Variants in IQGAP3 observed in about 807,000 individuals in gnomAD.
IQGAP3 encodes the protein IQ motif containing GTPase activating protein 3.
In IQGAP3, 165 loss-of-function variants were observed where a neutral mutation model predicts 208.2. The ratio of observed to expected loss-of-function variants is 0.79; its 90% CI spans 0.70 to 0.90. The LOEUF (loss-of-function observed/expected upper bound fraction) is 0.90, where lower values mean the gene tolerates loss of function less well. Ranked by LOEUF, IQGAP3 falls within the 40% of genes least tolerant of loss-of-function variation. The pLI is 0.00. For missense variants in IQGAP3, 1,811 were observed against 2,043.1 expected (o/e 0.89, Z 2.19); for synonymous variants, 703 against 803.6 (o/e 0.87, Z 2.12).
intron 22 of IQGAP3, 127 bp downstream of exon 22, chr1:156,543,854 T>A: frequency 1.3e-6 from 1 of 797,664 alleles, no homozygotes; most frequent in Non-Finnish European, 2.2e-6. Context: ...TCCATGCTCC[T>A]GCACAGACAA....
In IQGAP3 at chr1:156,561,970, G is replaced by C; in HGVS notation, c.909C>G (p.Ala303=). 1.2e-6 allele frequency: 2 copies of C among 1,613,038 alleles called. No homozygotes were observed. Among genetic ancestry groups the C allele is most frequent in the Non-Finnish European group, 1.7e-6 (2 of 1,179,608 alleles). The change falls in exon 10 of 38, where the codon GCC becomes GCG. Residue 303 remains alanine (A), a synonymous_variant. Transcript: ENST00000361170. ...VHGALEVVDD[A]LERQSPEALL... is the part of the protein sequence containing the mutation. ...AGGCTTCAGGGCTCTGTCTTTCCAG[G>C]GCATCATCAACAACTTCTAGAGCCC... is the stretch of plus-strand genomic sequence containing the variant.
chr1:156,540,203 C>T (rs1469133623), intron 23 of IQGAP3, among the ~76,000 whole-genome samples: 3 of 152,068 alleles, frequency 2.0e-5, no homozygotes, highest in Non-Finnish European at 4.4e-5. Context: ...GGGAGTGAGT[C>T]CCCAAAGAGA....
chr1:156,571,825 A>G (rs1395530679), intron 1 of IQGAP3, among the ~76,000 whole-genome samples: 1 of 152,212 alleles, frequency 6.6e-6, no homozygotes, highest in Non-Finnish European at 1.5e-5. Context: ...TTCATTCAGA[A>G]AATCAGATAG....
At chr1:156,526,868 G>A (rs148401109) in intron 37 of IQGAP3, among the ~76,000 whole-genome samples, 3 of 151,766 alleles carry the variant, frequency 2.0e-5, no homozygotes, top group Admixed American at 6.6e-5. Flanking sequence ...AGTCTCACTC[G>A]GTCTCCCAGG....
intron 9 of IQGAP3, 148 bp downstream of exon 9, chr1:156,562,439 C>T: frequency 1.5e-6 from 1 of 686,918 alleles, no homozygotes. Context: ...TGCACATACT[C>T]CTTGGACTCT....
At position 156,537,273 on chromosome 1, in the gene IQGAP3, C is replaced by T; in HGVS notation, c.3330G>A (p.Glu1110=). 1 of 1,613,802 alleles carries T rather than the reference C, an allele frequency of 6.2e-7. No individual in the cohort carries two copies. Among genetic ancestry groups the T allele is most frequent in the Non-Finnish European group, 8.5e-7 (1 of 1,179,830 alleles). ...VTPEQALSHP[E]VQRRLDIALR... is the part of the protein sequence containing the mutation. ...GGGCGATGTCCAGTCGTCTCTGGAC[C>T]TCGGGGTGGCTCAAGGCCTGCTCCG... The change falls in exon 27 of 38, where the codon GAG becomes GAA. Residue 1110 remains glutamate (E), a synonymous_variant. Coordinates refer to ENST00000361170, the MANE Select transcript of IQGAP3 (RefSeq NM_178229.5).
intron 5 of IQGAP3, among the ~76,000 whole-genome samples, chr1:156,564,068 C>T (rs775469439): frequency 4.6e-5 from 7 of 152,014 alleles, no homozygotes; most frequent in Non-Finnish European, 8.8e-5. Flanking sequence ...ACAGAGAAGG[C>T]CACATTGCAG....
In IQGAP3 at chr1:156,540,001, G is replaced by A. The variant is rs1674897950; in HGVS notation, c.2740-11C>T. ...GTGGGAGACCACTTCCTGCAGGGGT[G>A]GAGGAGCGGGTGATACAACTAGCCT... On this transcript the variant is annotated splice_polypyrimidine_tract_variant and intron_variant, in intron 23 of 37. Transcript: ENST00000361170. The A allele has an allele frequency of 7.4e-6, 12 of 1,614,078 alleles. No individual in the cohort carries two copies. The highest frequency in any genetic ancestry group is 1.0e-5 in the Non-Finnish European group (12 of 1,179,986).
intron 19 of IQGAP3, 50 bp downstream of exon 19, chr1:156,548,023 A>G: frequency 1.3e-6 from 2 of 1,532,454 alleles, no homozygotes; most frequent in Non-Finnish European, 1.8e-6. Context: ...GATACCCTGG[A>G]GCCCAGATAA....
chr1:156,530,011 G>T, intron 34 of IQGAP3, 94 bp downstream of exon 34: 1 of 1,031,270 alleles, frequency 9.7e-7, no homozygotes. Context: ...GGACTCATCA[G>T]GAGGGGCCCA....
intron 8 of IQGAP3, 150 bp from the exon 9 acceptor site, chr1:156,562,815 A>G (rs899990295): frequency 2.6e-6 from 2 of 761,036 alleles, no homozygotes; most frequent in Non-Finnish European, 4.5e-6. Context: ...TGTGGGGTCT[A>G]AAACACTTGG....
In IQGAP3 at chr1:156,530,203, TCTC is replaced by T. The variant is rs1674320114; in HGVS notation, c.4303_4305del (p.Glu1435del). 6.2e-7 allele frequency: 1 copy of T among 1,613,240 alleles called. No individual in the cohort carries two copies. Among genetic ancestry groups the T allele is most frequent in the Non-Finnish European group, 8.5e-7 (1 of 1,179,896 alleles). On this transcript the variant is annotated inframe_deletion, in exon 34 of 38. Transcript: ENST00000361170. ...AGGTTCCGCAGGACGCGCCGCTGCT[TCTC>T]TGCCAGTGGCAGGAGGGAGTGAGCT...
In IQGAP3 at chr1:156,537,040, C is replaced by T. The variant is rs181265113; in HGVS notation, c.3422+141G>A. ...GCTTCGAGCATTCCCCACATCTCTTCAGGAACCCCTCTGAGTACCCCTGGC... is the reference window on the plus strand; with the variant it reads ...GCTTCGAGCATTCCCCACATCTCTTTAGGAACCCCTCTGAGTACCCCTGGC... On this transcript the variant is annotated intron_variant, in intron 27 of 37. Transcript: ENST00000361170. The T allele has an allele frequency of 1.1e-4, 99 of 877,378 alleles. No homozygotes were observed. In the African/African-American group the frequency reaches 1.2e-3, roughly 11 times the overall value. The allele number at this position is 877,378 out of a possible 1,614,324, so 54.3% of individuals were successfully genotyped here.
At chr1:156,538,293 C>T (rs1482648100) in intron 26 of IQGAP3, among the ~76,000 whole-genome samples, 1 of 152,236 alleles carries the variant, frequency 6.6e-6, no homozygotes, top group Admixed American at 6.5e-5. Flanking sequence ...ATCTCCTGAC[C>T]TCGTGATCCG....
Position 156,562,574 on chromosome 1 carries a change from C to A in IQGAP3, c.877+13G>T. On this transcript the variant is annotated intron_variant, in intron 9 of 37. Coordinates refer to ENST00000361170, the MANE Select transcript of IQGAP3 (RefSeq NM_178229.5). ...AGGTCACCCCCAAACCACTCCTGCT[C>A]GAGGTCTCTTACCGTTGACATGGTT... 1 of 1,611,580 alleles carries A rather than the reference C, an allele frequency of 6.2e-7. No homozygotes were observed. The highest frequency in any genetic ancestry group is 1.1e-5 in the South Asian group (1 of 91,006).
rs567542388 is a variant in IQGAP3, at chr1:156,566,959, C to T, written c.126-413G>A. On this transcript the variant is annotated intron_variant, in intron 2 of 37. Coordinates refer to ENST00000361170, the MANE Select transcript of IQGAP3 (RefSeq NM_178229.5). ...TTGGCTCACTGCAACCTCCGCCTCC[C>T]AGGTTCAAGTGATTCTCCTGCCTTC... Among the ~76,000 whole-genome samples the T allele has an allele frequency of 1.3e-3, 200 of 151,970 alleles. 9 individuals are homozygous for T. In the South Asian group the frequency reaches 0.035, roughly 26 times the overall value.
rs757704735 is a variant in IQGAP3, at chr1:156,550,263, C to T, written c.1823G>A (p.Arg608Lys). The T allele has an allele frequency of 6.2e-7, 1 of 1,609,952 alleles. No individual in the cohort carries two copies. Among genetic ancestry groups the T allele is most frequent in the Non-Finnish European group, 8.5e-7 (1 of 1,176,602 alleles). The stretch of plus-strand genomic sequence containing the variant: ...GGTCCCCCAACCAGTCCATTTACTT[C>T]TCTGAGCTGTATTAGTGTCCTGGTT... ...RANQDTNTAQ[R>K]MALGVAAINQ... Residue 608 changes from arginine to lysine, a missense_variant and splice_region_variant, in exon 16 of 38, where the codon AGA becomes AAA. Arg to Lys is a conservative substitution (Grantham distance 26). Coordinates refer to ENST00000361170, the MANE Select transcript of IQGAP3 (RefSeq NM_178229.5).
chr1:156,555,666 T>G (rs761105290), intron 12 of IQGAP3, among the ~76,000 whole-genome samples: 3 of 152,230 alleles, frequency 2.0e-5, no homozygotes, highest in Non-Finnish European at 4.4e-5. Context: ...TATTTAATCC[T>G]ATAGCCTGAG....
intron 37 of IQGAP3, among the ~76,000 whole-genome samples, chr1:156,527,581 G>A (rs1674162344): frequency 6.6e-6 from 1 of 152,178 alleles, no homozygotes; most frequent in Non-Finnish European, 1.5e-5. Flanking sequence ...GACTTAGCCA[G>A]CTTCTTAACC....
Sources: allele counts gnomAD v4.1 joint callset (sites outside exome capture counted in the v4.1 genomes callset), GRCh38; gene constraint gnomAD v4.1.1; transcripts MANE v1.5; gene names NCBI Gene and HGNC (gene_info 2026-07-23, HGNC 2026-07-21).